Variants in ZBTB1 observed in about 807,000 individuals in gnomAD.
ZBTB1 encodes zinc finger and BTB domain containing 1.
A neutral mutation model predicts 51.6 loss-of-function variants in ZBTB1; 13 were observed. The ratio of observed to expected loss-of-function variants is 0.25; its 90% CI spans 0.16 to 0.40. ZBTB1 has a LOEUF of 0.40. ZBTB1 is among the 10% of genes least tolerant of loss of function. ZBTB1 has a pLI of 1.00. For missense variants in ZBTB1, 567 were observed against 856.5 expected (o/e 0.66, Z 4.22); for synonymous variants, 240 against 282.2 (o/e 0.85, Z 1.50).
downstream of ZBTB1, among the ~76,000 whole-genome samples, chr14:64,525,964 C>T (rs868356425): frequency 3.3e-5 from 5 of 152,082 alleles, no homozygotes; most frequent in African/African-American, 7.2e-5. Context: ...GGATTACAGG[C>T]GCATGCCACC....
At chr14:64,505,321 C>A (rs911063608) in intron 1 of ZBTB1, 4 of 165,164 alleles carry the variant, frequency 2.4e-5, no homozygotes, top group African/African-American at 9.6e-5. Flanking sequence ...TCTCAACTTA[C>A]AGCTGCGGCT....
downstream of ZBTB1, among the ~76,000 whole-genome samples, chr14:64,529,693 C>G (rs189806104): frequency 5.3e-5 from 8 of 152,184 alleles, no homozygotes; most frequent in East Asian, 1.5e-3. Context: ...ATTGCTTGAG[C>G]CTGAGAGGTC....
chr14:64,517,207 G>A (rs1363435832), intron 1 of ZBTB1, among the ~76,000 whole-genome samples: 1 of 152,090 alleles, frequency 6.6e-6, no homozygotes, highest in Non-Finnish European at 1.5e-5. Context: ...TTGCCTCTGT[G>A]AATCCTCATA....
rs145788836 is a variant in ZBTB1 at position 64,522,065 on chromosome 14, G to A, written c.561G>A (p.Glu187=). 2 of 1,614,046 alleles carry A rather than the reference G, an allele frequency of 1.2e-6. No individual in the cohort carries two copies. Among genetic ancestry groups the A allele is most frequent in the Admixed American group, 3.3e-5 (2 of 60,010 alleles). ...CTTTACAATTAGGTAATTTTCCTGA[G>A]CCACTATTTGATGTATGTAAAAAAA... ...EESLQLGNFP[E]PLFDVCKKSS... is the part of the protein sequence containing the mutation. The change falls in exon 2 of 2, where the codon GAG becomes GAA. Residue 187 remains glutamate, a synonymous_variant. Transcript: ENST00000683701.
downstream of ZBTB1, among the ~76,000 whole-genome samples, chr14:64,526,921 T>G (rs2079907879): frequency 6.6e-6 from 1 of 151,868 alleles, no homozygotes; most frequent in South Asian, 2.1e-4. Flanking sequence ...GGCATGCAGC[T>G]GTAGTCCCCA....
chr14:64,526,627 C>G (rs188853474), downstream of ZBTB1, among the ~76,000 whole-genome samples: 1 of 152,302 alleles, frequency 6.6e-6, no homozygotes, highest in Admixed American at 6.5e-5. Flanking sequence ...ATACAACTTG[C>G]ATGTTCTACG....
At chr14:64,504,405 T>G (rs1555346864), upstream of ZBTB1, 1 of 152,622 alleles carries the variant, frequency 6.6e-6, no homozygotes, top group Non-Finnish European at 1.5e-5. Context: ...GAAAGCAGCC[T>G]CGCATCCTGC....
chr14:64,529,515 T>G (rs2079927657), downstream of ZBTB1, among the ~76,000 whole-genome samples: 1 of 152,186 alleles, frequency 6.6e-6, no homozygotes, highest in Non-Finnish European at 1.5e-5. Context: ...CTCATACCCA[T>G]AATCCCAGCA....
intron 1 of ZBTB1, among the ~76,000 whole-genome samples, chr14:64,519,637 A>T (rs2079838752): frequency 6.6e-6 from 1 of 150,994 alleles, no homozygotes; most frequent in Non-Finnish European, 1.5e-5. Flanking sequence ...AAAAAACTGA[A>T]TGTGGTGGCA....
chr14:64,504,738 C>G, upstream of ZBTB1: 1 of 374,322 alleles, frequency 2.7e-6, no homozygotes, highest in Non-Finnish European at 4.7e-6. Flanking sequence ...TGCGGTGCGG[C>G]AGGCGCGGCT....
intron 1 of ZBTB1, 57 bp from the exon 2 acceptor site, chr14:64,521,430 A>G: frequency 7.1e-7 from 1 of 1,402,864 alleles, no homozygotes; most frequent in Non-Finnish European, 9.6e-7. Context: ...ATAAAAGTTA[A>G]TTTTGTCAAG....
rs752827333 is a variant in ZBTB1 at position 64,522,296 on chromosome 14, C to T, written c.792C>T (p.Ile264=). 1.2e-6 allele frequency: 2 copies of T among 1,614,160 alleles called. No homozygotes were observed. Among genetic ancestry groups the T allele is most frequent in the Non-Finnish European group, 8.5e-7 (1 of 1,180,026 alleles). ...TTAGAGATGGAAAAGACAGTAACATCAAAGCTGAATTTGGTGAAAAAGATT... is the reference window on the plus strand; with the variant it reads ...TTAGAGATGGAAAAGACAGTAACATTAAAGCTGAATTTGGTGAAAAAGATT... ...VDIRDGKDSN[I]KAEFGEKDSS... Residue 264 remains isoleucine, a synonymous_variant, in exon 2 of 2, where the codon ATC becomes ATT. Coordinates refer to ENST00000683701, the MANE Select transcript of ZBTB1 (RefSeq NM_001123329.2).
chr14:64,508,679 A>G (rs112929817), intron 1 of ZBTB1, among the ~76,000 whole-genome samples: 3 of 152,202 alleles, frequency 2.0e-5, no homozygotes, highest in Non-Finnish European at 2.9e-5. Context: ...AAAAATACCT[A>G]TCTCAGGGTG....
At chr14:64,510,740 ATACTT>A (rs1424215489) in intron 1 of ZBTB1, among the ~76,000 whole-genome samples, 1 of 152,182 alleles carries the variant, frequency 6.6e-6, no homozygotes, top group African/African-American at 2.4e-5. Context: ...TAATGATTTT[ATACTT>A]TAGTCTGAAG....
intron 2 of ZBTB1, among the ~76,000 whole-genome samples, chr14:64,530,818 A>G (rs2079936963): frequency 6.6e-6 from 1 of 152,156 alleles, no homozygotes; most frequent in Non-Finnish European, 1.5e-5. Flanking sequence ...GAAAGCCATT[A>G]TAATTTCTCA....
At chr14:64,513,581 T>A (rs1345000222) in intron 1 of ZBTB1, among the ~76,000 whole-genome samples, 4 of 152,224 alleles carry the variant, frequency 2.6e-5, no homozygotes, top group African/African-American at 9.6e-5. Flanking sequence ...TCCTACATCC[T>A]TCCTAAAGCC....
intron 1 of ZBTB1, among the ~76,000 whole-genome samples, chr14:64,517,571 C>T (rs1478081819): frequency 1.6e-4 from 24 of 151,712 alleles, no homozygotes; most frequent in Admixed American, 1.6e-3. Context: ...GAAATTTCAT[C>T]CTACTTAAAA....
chr14:64,523,962 T>C lies in ZBTB1; in HGVS notation c.*316T>C. The C allele has an allele frequency of 8.7e-6, 9 of 1,036,188 alleles. No individual in the cohort carries two copies. Among genetic ancestry groups the C allele is most frequent in the Non-Finnish European group, 1.1e-5 (9 of 854,246 alleles). 64.2% of individuals were successfully genotyped at this position (1,036,188 alleles called of 1,614,324 possible). A position where few individuals can be genotyped will look rare whatever the true frequency, so the allele number is the denominator to read the frequency against. ...CTTTAGTTTTTCATCAATAAGGTGA[T>C]GACTTCACTATTTCTATGTGTTTTT... On this transcript the variant is annotated 3_prime_UTR_variant, in exon 2 of 2. Coordinates refer to ENST00000683701, the MANE Select transcript of ZBTB1 (RefSeq NM_001123329.2). This position sits in a 1 kb window ranked among gnomAD's most constrained non-coding sequence, Gnocchi z 4.5.
Position 64,523,969 on chromosome 14 carries a change from A to G in ZBTB1, c.*323A>G. 9.8e-7 allele frequency: 1 copy of G among 1,024,128 alleles called. No individual in the cohort carries two copies. The highest frequency in any genetic ancestry group is 1.2e-6 in the Non-Finnish European group (1 of 847,924). The allele number at this position is 1,024,128 out of a possible 1,614,324, so 63.4% of individuals were successfully genotyped here. On this transcript the variant is annotated 3_prime_UTR_variant, in exon 2 of 2. Coordinates refer to ENST00000683701, the MANE Select transcript of ZBTB1 (RefSeq NM_001123329.2). This position sits in a 1 kb window ranked among gnomAD's most constrained non-coding sequence, Gnocchi z 4.5. ...TTTTCATCAATAAGGTGATGACTTC[A>G]CTATTTCTATGTGTTTTTTTTTTTT...
Sources: allele counts gnomAD v4.1 joint callset (sites outside exome capture counted in the v4.1 genomes callset), GRCh38; gene constraint gnomAD v4.1.1; non-coding constraint Gnocchi (gnomAD v3.1); transcripts MANE v1.5; gene names NCBI Gene and HGNC (gene_info 2026-07-23, HGNC 2026-07-21).